Variants in EYS observed in about 807,000 individuals in gnomAD.
EYS encodes EGF-like photoreceptor maintenance factor.
A neutral mutation model predicts 282.1 loss-of-function variants in EYS; 250 were observed. The observed-to-expected ratio is 0.89, with a 90% CI of 0.80 to 0.98. The LOEUF is 0.98. EYS is among the 50% of genes least tolerant of loss of function. EYS has a pLI of 0.00. For synonymous variants in EYS, 1,355 were observed against 1,282.9 expected, an observed-to-expected ratio of 1.06 and a Z score of -1.20; for missense variants, 4,016 against 3,709.0, an observed-to-expected ratio of 1.08 and a Z score of -2.15.
rs1764940309 is a variant in EYS at position 64,822,810 on chromosome 6, TCA to T, written c.3003_3004del (p.Cys1001Ter). On this transcript the variant is annotated stop_gained and frameshift_variant, in exon 20 of 43. Coordinates refer to ENST00000503581, the MANE Select transcript of EYS (RefSeq NM_001142800.2). LOFTEE classifies it high-confidence loss of function. ...TGATAGGCATTCATCTAGATTTATT[TCA>T]CAGTTGATGCCTGTGTTGGAACAGA... The T allele has an allele frequency of 6.5e-7, 1 of 1,549,164 alleles. No individual in the cohort carries two copies. The highest frequency in any genetic ancestry group is 8.7e-7 in the Non-Finnish European group (1 of 1,145,548).
intron 1 of EYS, among the ~76,000 whole-genome samples, chr6:65,658,303 A>AT (rs1767894339): frequency 6.6e-6 from 1 of 151,662 alleles, no homozygotes; most frequent in Admixed American, 6.6e-5. Flanking sequence ...GAAAAATGAA[A>AT]TGACATAAAA....
intron 2 of EYS, among the ~76,000 whole-genome samples, chr6:65,570,627 G>C (rs1401432058): frequency 6.6e-6 from 1 of 152,100 alleles, no homozygotes; most frequent in Non-Finnish European, 1.5e-5. Context: ...TCCACTAAGT[G>C]AATCTGTTAA....
At chr6:65,342,070 A>G (rs1770217985) in intron 10 of EYS, among the ~76,000 whole-genome samples, 1 of 151,204 alleles carries the variant, frequency 6.6e-6, no homozygotes, top group South Asian at 2.1e-4. Context: ...TGGGCTCCAC[A>G]GAGCTTTGGC....
intron 30 of EYS, among the ~76,000 whole-genome samples, chr6:64,255,436 A>G (rs1767358757): frequency 6.6e-6 from 1 of 152,074 alleles, no homozygotes; most frequent in South Asian, 2.1e-4. Context: ...AAAGTTATAT[A>G]AAATTTATTG....
chr6:64,424,328 G>T (rs1434981141), intron 28 of EYS, among the ~76,000 whole-genome samples: 1 of 151,954 alleles, frequency 6.6e-6, no homozygotes, highest in African/African-American at 2.4e-5. Flanking sequence ...GAAAGAAGGA[G>T]GACTCATTTA....
chr6:65,535,772 G>A (rs994263644), intron 2 of EYS, among the ~76,000 whole-genome samples: 5 of 152,062 alleles, frequency 3.3e-5, no homozygotes, highest in Admixed American at 1.3e-4. Flanking sequence ...ATTAGGAAAG[G>A]CCATCTGTTT....
At chr6:64,653,598 C>T (rs1768641935) in intron 22 of EYS, among the ~76,000 whole-genome samples, 1 of 151,936 alleles carries the variant, frequency 6.6e-6, no homozygotes, top group African/African-American at 2.4e-5. Context: ...GAGACAGGTT[C>T]TTGTTCCCCA....
At chr6:64,412,575 A>T (rs1028740133) in intron 28 of EYS, 9 of 152,276 alleles carry the variant, frequency 5.9e-5, no homozygotes, top group African/African-American at 2.2e-4. Context: ...TTTCAAAAAT[A>T]GTAAAAGTTG....
chr6:64,653,453 G>C (rs543662967), intron 22 of EYS, among the ~76,000 whole-genome samples: 1 of 152,192 alleles, frequency 6.6e-6, no homozygotes, highest in African/African-American at 2.4e-5. Flanking sequence ...ATATTAGGCG[G>C]GTTAATACTC....
chr6:65,430,376 C>T (rs867468876), intron 5 of EYS, among the ~76,000 whole-genome samples: 1 of 152,296 alleles, frequency 6.6e-6, no homozygotes. Context: ...AACCACTAAT[C>T]CCAGCAGTCC....
intron 12 of EYS, among the ~76,000 whole-genome samples, chr6:65,244,929 A>G (rs1767144143): frequency 6.6e-6 from 1 of 152,166 alleles, no homozygotes; most frequent in Non-Finnish European, 1.5e-5. Context: ...AGACACACTA[A>G]TGTCTAATTC....
At chr6:65,597,918 T>C (rs1264608239) in intron 2 of EYS, among the ~76,000 whole-genome samples, 1 of 151,720 alleles carries the variant, frequency 6.6e-6, no homozygotes. Flanking sequence ...ATGGGCAACA[T>C]GGGAAAACCC....
chr6:65,565,569 A>G (rs1769247953), intron 2 of EYS, among the ~76,000 whole-genome samples: 1 of 152,082 alleles, frequency 6.6e-6, no homozygotes. Flanking sequence ...AACCAGAAAT[A>G]CCATTTGACT....
At chr6:64,914,353 A>G (rs1469264946) in intron 15 of EYS, among the ~76,000 whole-genome samples, 1 of 152,194 alleles carries the variant, frequency 6.6e-6, no homozygotes, top group Non-Finnish European at 1.5e-5. Context: ...TCATGAAACA[A>G]GCACAGGAAA....
chr6:65,160,971 T>C (rs1026551113), intron 12 of EYS, among the ~76,000 whole-genome samples: 15 of 150,378 alleles, frequency 1.0e-4, no homozygotes, highest in African/African-American at 3.6e-4. Context: ...TTCTATCTCT[T>C]CTCATCTACA....
intron 22 of EYS, among the ~76,000 whole-genome samples, chr6:64,750,647 T>A (rs1772716288): frequency 2.0e-5 from 3 of 152,228 alleles, no homozygotes; most frequent in Admixed American, 2.0e-4. Context: ...CTAGGTTATT[T>A]AAATTTACAT....
chr6:65,411,825 T>C (rs1582258462), intron 5 of EYS, among the ~76,000 whole-genome samples: 2 of 152,190 alleles, frequency 1.3e-5, no homozygotes, highest in South Asian at 2.1e-4. Flanking sequence ...CTTTTTTTTT[T>C]TTTCGGTTAA....
chr6:63,779,940 C>T (rs956837764), intron 39 of EYS, among the ~76,000 whole-genome samples: 35 of 152,082 alleles, frequency 2.3e-4, no homozygotes, highest in Admixed American at 2.2e-3. Flanking sequence ...ATGTTCCCCA[C>T]CCTGTGTCCA....
chr6:64,317,530 C>A (rs1582588692), intron 29 of EYS, among the ~76,000 whole-genome samples: 1 of 152,036 alleles, frequency 6.6e-6, no homozygotes, highest in African/African-American at 2.4e-5. Context: ...CAGGAAACAA[C>A]AGATGCTGGA....
Sources: gnomAD v4.1 joint callset for allele counts (sites outside exome capture counted in the v4.1 genomes callset) on GRCh38, gnomAD v4.1.1 for gene constraint, MANE v1.5 for transcripts, NCBI Gene and HGNC (gene_info 2026-07-23, HGNC 2026-07-21) for gene names.